Variants in ADRA1B observed in about 807,000 individuals in gnomAD.
ADRA1B encodes the protein adrenoceptor alpha 1B.
A neutral mutation model predicts 17.9 loss-of-function variants in ADRA1B; 17 were observed. That is an observed-to-expected ratio of 0.95 (90% confidence interval 0.65 to 1.42). The LOEUF (loss-of-function observed/expected upper bound fraction) is 1.42. Ranked by LOEUF, ADRA1B falls within the 40% of genes most tolerant of loss-of-function variation. ADRA1B has a pLI of 0.00. For synonymous variants in ADRA1B, 366 were observed against 327.6 expected (o/e 1.12, Z -1.27); for missense variants, 681 against 722.1 (o/e 0.94, Z 0.65).
chr5:159,965,845 A>AT lies in ADRA1B; in HGVS notation c.950-6031dup, dbSNP rs1488046591. Among the ~76,000 whole-genome samples, 514 of 151,400 alleles carry AT rather than the reference A, an allele frequency of 3.4e-3. 2 individuals are homozygous for AT. Among genetic ancestry groups the AT allele is most frequent in the African/African-American group, 0.012 (486 of 41,204 alleles). On this transcript the variant is annotated intron_variant, in intron 1 of 1. Coordinates refer to ENST00000306675, the MANE Select transcript of ADRA1B (RefSeq NM_000679.4). ...GGGATCTGAATTTATTTATTTATTT[A>AT]TTTATTTTTTTGACACAGACCAGGC...
At chr5:159,923,489 T>C (rs546886158) in intron 1 of ADRA1B, among the ~76,000 whole-genome samples, 23 of 152,366 alleles carry the variant, frequency 1.5e-4, no homozygotes, top group Admixed American at 1.2e-3. Context: ...AGAGGAAATG[T>C]GTTCAGAATA....
intron 1 of ADRA1B, among the ~76,000 whole-genome samples, chr5:159,892,542 T>TTC (rs1753996803): frequency 1.3e-5 from 2 of 152,258 alleles, no homozygotes; most frequent in South Asian, 4.2e-4. Flanking sequence ...TGTCCATGTG[T>TTC]TCTCATCATT....
chr5:159,913,039 C>T (rs1754243367), upstream of ADRA1B, among the ~76,000 whole-genome samples: 1 of 152,140 alleles, frequency 6.6e-6, no homozygotes, highest in Non-Finnish European at 1.5e-5. Flanking sequence ...GGTGACAGAT[C>T]TCCTCCCATA....
At chr5:159,944,825 C>T (rs1183884824) in intron 1 of ADRA1B, among the ~76,000 whole-genome samples, 1 of 152,126 alleles carries the variant, frequency 6.6e-6, no homozygotes, top group Non-Finnish European at 1.5e-5. Flanking sequence ...TAAGTACCTT[C>T]CCTGTCTCGA....
chr5:159,908,166 A>G (rs1183768837), intron 1 of ADRA1B, among the ~76,000 whole-genome samples: 1 of 152,190 alleles, frequency 6.6e-6, no homozygotes, highest in Non-Finnish European at 1.5e-5. Context: ...AGACAGGCAC[A>G]TATTTGTGTT....
intron 1 of ADRA1B, chr5:159,869,544 A>G (rs998232567): frequency 6.6e-6 from 1 of 152,272 alleles, no homozygotes; most frequent in Non-Finnish European, 1.5e-5. Context: ...AACGATCTGG[A>G]GAACTAACTC....
intron 1 of ADRA1B, among the ~76,000 whole-genome samples, chr5:159,899,260 AAGAAAGGAAGGAAGG>A (rs1754070391): frequency 6.9e-6 from 1 of 144,096 alleles, no homozygotes; most frequent in Non-Finnish European, 1.5e-5. Context: ...GGAAGGAAGG[AAGAAAGGAAGGAAGG>A]AAGGAAGGAA....
intron 1 of ADRA1B, among the ~76,000 whole-genome samples, chr5:159,924,662 C>T (rs186153482): frequency 6.6e-6 from 1 of 152,194 alleles, no homozygotes; most frequent in Non-Finnish European, 1.5e-5. Context: ...CAAAACGGCT[C>T]ACAGAAATGC....
intron 1 of ADRA1B, among the ~76,000 whole-genome samples, chr5:159,967,905 A>G (rs1755803776): frequency 6.6e-6 from 1 of 152,206 alleles, no homozygotes; most frequent in Admixed American, 6.5e-5. Flanking sequence ...TGTCCCTGAC[A>G]TGGTGCTTCC....
At chr5:159,957,948 AAAAAGAAAAGAAAAAAG>A (rs1561608206) in intron 1 of ADRA1B, among the ~76,000 whole-genome samples, 4 of 128,352 alleles carry the variant, frequency 3.1e-5, no homozygotes, top group Non-Finnish European at 6.8e-5. Context: ...AAAAAAAAAA[AAAAAGAAAAGAAAAAAG>A]AAAAGAAAAG....
intron 1 of ADRA1B, among the ~76,000 whole-genome samples, chr5:159,873,606 T>A (rs1233972661): frequency 6.6e-6 from 1 of 152,218 alleles, no homozygotes; most frequent in Non-Finnish European, 1.5e-5. Flanking sequence ...CAACAAACCC[T>A]GACTATGACA....
At chr5:159,905,647 CAA>C (rs1489479906) in intron 1 of ADRA1B, among the ~76,000 whole-genome samples, 1 of 152,092 alleles carries the variant, frequency 6.6e-6, no homozygotes, top group African/African-American at 2.4e-5. Context: ...AGAGTGTGAT[CAA>C]AGAGTCATAT....
At chr5:159,984,770 A>T in the ADRA1B span, among the ~76,000 whole-genome samples, 6 of 151,616 alleles carry the variant, frequency 4.0e-5, no homozygotes, top group Non-Finnish European at 8.8e-5. Context: ...TTAGCCAGGC[A>T]TGGTGGCGAG....
At chr5:159,971,853 C>CGGG in intron 1 of ADRA1B, 26 bp from the exon 2 acceptor site, 4 of 1,305,850 alleles carry the variant, frequency 3.1e-6, no homozygotes, top group Non-Finnish European at 3.9e-6. Flanking sequence ...TCTTTCTGCC[C>CGGG]GTGCCCACCC....
At chr5:159,885,018 G>T (rs1479897019) in intron 1 of ADRA1B, among the ~76,000 whole-genome samples, 1 of 152,142 alleles carries the variant, frequency 6.6e-6, no homozygotes, top group Non-Finnish European at 1.5e-5. Context: ...TGAAGTGTTT[G>T]TAAGAGGGAA....
At chr5:159,910,570 T>C (rs1208809739) in intron 1 of ADRA1B, among the ~76,000 whole-genome samples, 1 of 152,192 alleles carries the variant, frequency 6.6e-6, no homozygotes, top group East Asian at 1.9e-4. Context: ...GGAGTAAATA[T>C]TTTAGGCTTT....
At chr5:159,983,761 A>AT in the ADRA1B span, among the ~76,000 whole-genome samples, 1,455 of 151,592 alleles carry the variant, frequency 9.6e-3, 21 homozygotes, top group African/African-American at 0.033. Flanking sequence ...GAGAGACAAG[A>AT]TTTTTTTTTC....
chr5:159,950,690 TG>T, intron 1 of ADRA1B: 3 of 718,004 alleles, frequency 4.2e-6, no homozygotes, highest in Non-Finnish European at 7.8e-6. Flanking sequence ...CAGATGCCCT[TG>T]GGGGGACACT....
intron 1 of ADRA1B, among the ~76,000 whole-genome samples, chr5:159,896,923 A>G (rs914977492): frequency 6.6e-6 from 1 of 152,240 alleles, no homozygotes; most frequent in African/African-American, 2.4e-5. Flanking sequence ...ACAGCTCCAC[A>G]TAACCAAATT....
Sources: gnomAD v4.1 joint callset for allele counts (sites outside exome capture counted in the v4.1 genomes callset) on GRCh38, gnomAD v4.1.1 for gene constraint, MANE v1.5 for transcripts, NCBI Gene and HGNC (gene_info 2026-07-23, HGNC 2026-07-21) for gene names.